Variants in CHRM3 observed in about 807,000 individuals in gnomAD.
The protein encoded by CHRM3 is cholinergic receptor muscarinic 3, also known as muscarinic acetylcholine receptor M3.
Under a neutral mutation model 41.8 loss-of-function variants are expected in CHRM3, and 11 were observed. The observed-to-expected ratio is 0.26, with a 90% confidence interval of 0.17 to 0.44. The LOEUF is 0.44. Ranked by LOEUF, CHRM3 falls within the 20% of genes least tolerant of loss-of-function variation. The pLI, the probability that CHRM3 is intolerant of heterozygous loss-of-function variation, is 1.00. For synonymous variants in CHRM3, 297 were observed against 301.4 expected, an observed-to-expected ratio of 0.99 and a Z score of 0.15; for missense variants, 571 against 745.4, an observed-to-expected ratio of 0.77 and a Z score of 2.72.
At chr1:239,629,809 A>G (rs935274820) in intron 3 of CHRM3, among the ~76,000 whole-genome samples, 34 of 152,308 alleles carry the variant, frequency 2.2e-4, no homozygotes, top group African/African-American at 8.2e-4. Context: ...CTGGCCTTCC[A>G]TAATTATTCT....
intron 5 of CHRM3, among the ~76,000 whole-genome samples, chr1:239,764,842 TCAAGAGAGTACTGTTCA>T (rs936453463): frequency 2.6e-5 from 4 of 152,220 alleles, no homozygotes; most frequent in Non-Finnish European, 5.9e-5. Flanking sequence ...TAGTTACTAT[TCAAGAGAGTACTGTTCA>T]GTGAGCCAGA....
intron 1 of CHRM3, among the ~76,000 whole-genome samples, chr1:239,456,574 C>T (rs985226828): frequency 1.2e-4 from 18 of 152,250 alleles, no homozygotes; most frequent in East Asian, 9.7e-4. Flanking sequence ...TTTCTCGGAA[C>T]GTATCCTGGT....
chr1:239,570,331 T>G (rs1171895619), intron 3 of CHRM3, among the ~76,000 whole-genome samples: 3 of 152,176 alleles, frequency 2.0e-5, no homozygotes, highest in Non-Finnish European at 4.4e-5. Flanking sequence ...TCCCCAGCCA[T>G]GTGGAACTGT....
chr1:239,683,692 G>GAAACAGCTCTACTTGT, intron 5 of CHRM3, among the ~76,000 whole-genome samples: 1 of 152,310 alleles, frequency 6.6e-6, no homozygotes, highest in Non-Finnish European at 1.5e-5. Context: ...GTCTGGTATA[G>GAAACAGCTCTACTTGT]AAACAGCTCT....
At chr1:239,902,040 C>T (rs1372444503) in intron 6 of CHRM3, among the ~76,000 whole-genome samples, 1 of 152,010 alleles carries the variant, frequency 6.6e-6, no homozygotes, top group Non-Finnish European at 1.5e-5. Flanking sequence ...CATTGATGCT[C>T]AGAAGACCAA....
chr1:239,697,548 A>G (rs907895774), intron 5 of CHRM3, among the ~76,000 whole-genome samples: 1 of 152,220 alleles, frequency 6.6e-6, no homozygotes, highest in Admixed American at 6.5e-5. Flanking sequence ...ATCAAGGCTC[A>G]TAGATGGCAA....
chr1:239,479,465 C>A (rs1666685335), intron 1 of CHRM3, among the ~76,000 whole-genome samples: 1 of 152,160 alleles, frequency 6.6e-6, no homozygotes, highest in Admixed American at 6.5e-5. Context: ...GACATTGGAA[C>A]CACATTTTCA....
intron 4 of CHRM3, among the ~76,000 whole-genome samples, chr1:239,656,041 A>C (rs1381029063): frequency 1.3e-5 from 2 of 152,142 alleles, no homozygotes; most frequent in Admixed American, 1.3e-4. Flanking sequence ...TAAGTGAATT[A>C]ATGCAGAAAT....
At chr1:239,458,045 T>A (rs1412250992) in intron 1 of CHRM3, among the ~76,000 whole-genome samples, 1 of 151,916 alleles carries the variant, frequency 6.6e-6, no homozygotes, top group Non-Finnish European at 1.5e-5. Context: ...GCCACAGTGA[T>A]AGCTGAAGAA....
rs201512973 is a variant in CHRM3, at chr1:239,909,217, C to A, written c.1766C>A (p.Ala589Asp). The change falls in exon 7 of 7, where the codon GCC becomes GAC. Residue 589 changes from alanine to aspartate, a missense_variant. By Grantham distance (126) the Ala-to-Asp change is moderately radical (BLOSUM62 -2). Coordinates refer to ENST00000676153, the MANE Select transcript of CHRM3 (RefSeq NM_001375978.1). ...TTTCACAAGCGCGCACCCGAGCAGG[C>A]CTTGTAGAATGAGGTTGTATCAATA... ...VIFHKRAPEQAL is the reference protein window; with the variant it reads ...VIFHKRAPEQDL 63 of 1,602,198 alleles carry A rather than the reference C, an allele frequency of 3.9e-5. No homozygotes were observed. In the East Asian group the frequency reaches 9.8e-4, roughly 25 times the overall value.
At chr1:239,465,783 A>G (rs771814441) in intron 1 of CHRM3, among the ~76,000 whole-genome samples, 93 of 152,228 alleles carry the variant, frequency 6.1e-4, no homozygotes, top group Non-Finnish European at 1.0e-3. Flanking sequence ...GCGTGGGTTC[A>G]CTTACGTGAG....
At chr1:239,588,436 A>T (rs1175942194) in intron 3 of CHRM3, among the ~76,000 whole-genome samples, 1 of 152,202 alleles carries the variant, frequency 6.6e-6, no homozygotes, top group South Asian at 2.1e-4. Context: ...GGACTCACTG[A>T]ATGCTCATTA....
chr1:239,434,511 C>T (rs953126027), intron 1 of CHRM3, among the ~76,000 whole-genome samples: 5 of 152,180 alleles, frequency 3.3e-5, no homozygotes, highest in East Asian at 1.9e-4. Flanking sequence ...TAATTTACCA[C>T]GTCTGTTTAT....
chr1:239,792,267 G>T (rs947153253), intron 5 of CHRM3, among the ~76,000 whole-genome samples: 2 of 152,176 alleles, frequency 1.3e-5, no homozygotes, highest in African/African-American at 4.8e-5. Context: ...GCCTGTCATT[G>T]CACCAGACAC....
rs1229589390 is a variant in CHRM3, at chr1:239,910,430, G to A, written c.*1206G>A. The A allele has an allele frequency of 6.0e-6, 1 of 166,494 alleles. No individual in the cohort carries two copies. The highest frequency in any genetic ancestry group is 1.5e-5 in the Non-Finnish European group (1 of 68,052). The allele number at this position is 166,494 out of a possible 1,614,324, so 10.3% of individuals were successfully genotyped here. A position where few individuals can be genotyped will look rare whatever the true frequency, so the allele number is the denominator to read the frequency against. The stretch of plus-strand genomic sequence containing the variant: ...CACCTTCTCAAAGAAAATAGGGCTT[G>A]CACCTTTGTTAATCAGCTGTGGCCA... On this transcript the variant is annotated 3_prime_UTR_variant, in exon 7 of 7. Transcript: ENST00000676153.
At position 239,877,754 on chromosome 1, in the gene CHRM3, T is replaced by C. The variant is rs549424739; in HGVS notation, c.-19-29679T>C. Among the ~76,000 whole-genome samples, 96 of 152,186 alleles carry C rather than the reference T, an allele frequency of 6.3e-4. 1 individual carries two copies. The highest frequency in any genetic ancestry group is 2.3e-3 in the African/African-American group (94 of 41,526). ...ATTTTTTTTTTCTTTCTACAGATAA[T>C]GCCATATCCAGCAGTCCCCTTTTGG... On this transcript the variant is annotated intron_variant, in intron 6 of 6. Transcript: ENST00000676153.
intron 5 of CHRM3, among the ~76,000 whole-genome samples, chr1:239,700,320 G>A (rs1027120527): frequency 6.6e-6 from 1 of 152,078 alleles, no homozygotes; most frequent in Non-Finnish European, 1.5e-5. Flanking sequence ...TCTTCAGCAG[G>A]TATCCATTTA....
At chr1:239,599,544 T>C (rs1665253349) in intron 3 of CHRM3, among the ~76,000 whole-genome samples, 2 of 151,680 alleles carry the variant, frequency 1.3e-5, no homozygotes, top group African/African-American at 2.4e-5. Context: ...TACTTCCCAC[T>C]GAAGGAGTGC....
intron 5 of CHRM3, among the ~76,000 whole-genome samples, chr1:239,790,241 A>G (rs1669231486): frequency 6.6e-6 from 1 of 152,194 alleles, no homozygotes; most frequent in Admixed American, 6.5e-5. Context: ...TTGGAAAGGC[A>G]TGATTGGTTT....
Sources: allele counts gnomAD v4.1 joint callset (sites outside exome capture counted in the v4.1 genomes callset), GRCh38; gene constraint gnomAD v4.1.1; transcripts MANE v1.5; gene names NCBI Gene and HGNC (gene_info 2026-07-23, HGNC 2026-07-21).